The following ZBTB44 variants were observed in gnomAD, a reference collection of about 807,000 sequenced individuals.
ZBTB44 encodes zinc finger and BTB domain-containing protein 44.
A neutral mutation model predicts 54.0 loss-of-function variants in ZBTB44; 15 were observed. The ratio of observed to expected loss-of-function variants is 0.28; its 90% CI spans 0.19 to 0.43. The LOEUF (loss-of-function observed/expected upper bound fraction) is 0.43, where lower values mean the gene tolerates loss of function less well. Ranked by LOEUF, ZBTB44 falls within the 20% of genes least tolerant of loss-of-function variation. ZBTB44 has a pLI of 1.00. For missense variants in ZBTB44, 487 were observed against 707.1 expected, an observed-to-expected ratio of 0.69 and a Z score of 3.53; for synonymous variants, 230 against 250.1, an observed-to-expected ratio of 0.92 and a Z score of 0.76.
chr11:130,271,222 TAC>T (rs1206070300), intron 1 of ZBTB44, among the ~76,000 whole-genome samples: 1 of 152,210 alleles, frequency 6.6e-6, no homozygotes, highest in Non-Finnish European at 1.5e-5. Context: ...AATTTGAGTT[TAC>T]AGTCTTGAAT....
At chr11:130,299,574 A>T (rs1941878666) in intron 1 of ZBTB44, among the ~76,000 whole-genome samples, 1 of 151,804 alleles carries the variant, frequency 6.6e-6, no homozygotes, top group Non-Finnish European at 1.5e-5. Flanking sequence ...AAAAAAAAAA[A>T]TGATGGTCTC....
At chr11:130,277,101 CTG>C (rs1036941787) in intron 1 of ZBTB44, among the ~76,000 whole-genome samples, 1 of 152,066 alleles carries the variant, frequency 6.6e-6, no homozygotes, top group African/African-American at 2.4e-5. Context: ...CTGACAATCT[CTG>C]TCTTTTGATT....
At chr11:130,239,769 A>G (rs1416603439) in intron 3 of ZBTB44, 43 bp downstream of exon 3, 28 of 1,523,542 alleles carry the variant, frequency 1.8e-5, no homozygotes, top group Non-Finnish European at 2.2e-5. Flanking sequence ...GGAGTTGTAA[A>G]CACAACCCTT....
At chr11:130,236,263 T>G (rs1444523159) in intron 5 of ZBTB44, 3 of 1,272,830 alleles carry the variant, frequency 2.4e-6, no homozygotes, top group Non-Finnish European at 3.1e-6. Context: ...ATTACAAGAA[T>G]AGAGCTCTAA....
intron 2 of ZBTB44, among the ~76,000 whole-genome samples, chr11:130,259,615 A>G (rs1030472381): frequency 1.3e-5 from 2 of 152,228 alleles, no homozygotes; most frequent in Non-Finnish European, 2.9e-5. Context: ...ATGAAATACT[A>G]TGCAGCCATA....
chr11:130,256,440 C>T (rs1034585310), intron 2 of ZBTB44, among the ~76,000 whole-genome samples: 27 of 152,042 alleles, frequency 1.8e-4, no homozygotes, highest in Admixed American at 5.2e-4. Context: ...CATTTTGGGA[C>T]GCCGAGGCAG....
At chr11:130,273,307 A>AT (rs34506406) in intron 1 of ZBTB44, among the ~76,000 whole-genome samples, 80,665 of 126,268 alleles carry the variant, frequency 0.64, 27,962 homozygotes, top group South Asian at 0.76. Flanking sequence ...TATTTTCTTA[A>AT]TTTTTTTTTT....
At position 130,314,436 on chromosome 11, in the gene ZBTB44, GGGCGGCGA is replaced by G; in HGVS notation, c.-126_-119del. 1 of 154,308 alleles carries G rather than the reference GGGCGGCGA, an allele frequency of 6.5e-6. No individual in the cohort carries two copies. Among genetic ancestry groups the G allele is most frequent in the Non-Finnish European group, 1.4e-5 (1 of 69,730 alleles). The allele number at this position is 154,308 out of a possible 1,614,324, so 9.6% of individuals were successfully genotyped here. Reference sequence around the variant, plus strand: ...TCCTCCTCCTTCTCCCGCCAGGCTGGGGCGGCGAGGCGGCGGCGGCGGCGGCCCGGGGG... The same window carrying G: ...TCCTCCTCCTTCTCCCGCCAGGCTGGGGCGGCGGCGGCGGCGGCCCGGGGG... On this transcript the variant is annotated 5_prime_UTR_variant, in exon 1 of 8. Coordinates refer to ENST00000357899, the MANE Select transcript of ZBTB44 (RefSeq NM_001301098.2).
At chr11:130,270,597 T>G (rs1487607110) in intron 1 of ZBTB44, among the ~76,000 whole-genome samples, 2 of 151,884 alleles carry the variant, frequency 1.3e-5, no homozygotes, top group Non-Finnish European at 2.9e-5. Context: ...AGTAGAAGAG[T>G]CCTATCTGCC....
At chr11:130,268,509 A>C (rs1939424883) in intron 1 of ZBTB44, among the ~76,000 whole-genome samples, 1 of 152,140 alleles carries the variant, frequency 6.6e-6, no homozygotes, top group Non-Finnish European at 1.5e-5. Flanking sequence ...AATCCCAGCT[A>C]CTCAGGAAGT....
intron 1 of ZBTB44, 133 bp from the exon 2 acceptor site, chr11:130,262,062 G>C: frequency 1.5e-6 from 1 of 648,496 alleles, no homozygotes; most frequent in South Asian, 2.2e-5. Flanking sequence ...TTCAAGGTAG[G>C]GACTGTATAG....
chr11:130,313,948 GTATATATA>G (rs66987405), intron 1 of ZBTB44, among the ~76,000 whole-genome samples: 4 of 145,538 alleles, frequency 2.7e-5, no homozygotes, highest in Non-Finnish European at 4.6e-5. Flanking sequence ...TTGTGTGTGT[GTATATATA>G]TATATATATA....
chr11:130,301,237 G>A (rs1941970418), intron 1 of ZBTB44, among the ~76,000 whole-genome samples: 1 of 152,216 alleles, frequency 6.6e-6, no homozygotes, highest in Non-Finnish European at 1.5e-5. Context: ...TATTGGTGGC[G>A]TGGTGAGAAG....
At chr11:130,274,216 T>C (rs1939887648) in intron 1 of ZBTB44, among the ~76,000 whole-genome samples, 1 of 152,178 alleles carries the variant, frequency 6.6e-6, no homozygotes, top group Admixed American at 6.5e-5. Context: ...ATTTTGAGCG[T>C]CATGTTGGTG....
intron 2 of ZBTB44, among the ~76,000 whole-genome samples, chr11:130,257,943 T>C (rs1195680953): frequency 1.3e-5 from 2 of 152,212 alleles, no homozygotes; most frequent in African/African-American, 2.4e-5. Flanking sequence ...TTATCTTTTC[T>C]ACTGCTTTTG....
intron 2 of ZBTB44, among the ~76,000 whole-genome samples, chr11:130,254,056 C>T (rs1476910246): frequency 6.6e-6 from 1 of 152,122 alleles, no homozygotes; most frequent in Admixed American, 6.5e-5. Context: ...ACACATTATA[C>T]AAAAATTAAT....
chr11:130,233,831 A>T (rs1403237516), intron 6 of ZBTB44: 20 of 1,171,666 alleles, frequency 1.7e-5, no homozygotes, highest in African/African-American at 3.2e-5. Context: ...GGAAAAATAA[A>T]ATCAGTTTCA....
At chr11:130,257,973 T>C in intron 2 of ZBTB44, among the ~76,000 whole-genome samples, 1 of 152,198 alleles carries the variant, frequency 6.6e-6, no homozygotes, top group East Asian at 1.9e-4. Flanking sequence ...TGCTTGATCA[T>C]CATCCAAGCA....
Position 130,260,125 on chromosome 11 carries a change from C to T in ZBTB44, c.1018+731G>A, listed in dbSNP as rs564250147. 9.8e-5 allele frequency among the ~76,000 whole-genome samples: 15 copies of T among 152,300 alleles called. No individual in the cohort carries two copies. In the South Asian group the frequency reaches 1.7e-3, roughly 17 times the overall value. On this transcript the variant is annotated intron_variant, in intron 2 of 7. Coordinates refer to ENST00000357899, the MANE Select transcript of ZBTB44 (RefSeq NM_001301098.2). Reference sequence around the variant, plus strand: ...TGCAACCCCTACTGAAACTAGGATTCGAGGCTCTTTACAGCCTGCGCTCAA... The same window carrying T: ...TGCAACCCCTACTGAAACTAGGATTTGAGGCTCTTTACAGCCTGCGCTCAA...
Sources: gnomAD v4.1 joint callset for allele counts (sites outside exome capture counted in the v4.1 genomes callset) on GRCh38, gnomAD v4.1.1 for gene constraint, MANE v1.5 for transcripts, NCBI Gene and HGNC (gene_info 2026-07-23, HGNC 2026-07-21) for gene names.